Variants in TTC17 observed in about 807,000 individuals in gnomAD.
TTC17 encodes the protein tetratricopeptide repeat domain 17.
A neutral mutation model predicts 143.8 loss-of-function variants in TTC17; 58 were observed. The observed-to-expected ratio is 0.40, with a 90% CI of 0.33 to 0.50. The LOEUF is 0.50. Ranked by LOEUF, TTC17 falls within the 20% of genes least tolerant of loss-of-function variation. The probability of loss-of-function intolerance (pLI) is 0.49; values close to 1 mark genes in which losing one functional copy is unlikely to be tolerated. For missense variants in TTC17, 1,273 were observed against 1,392.5 expected (o/e 0.91, Z 1.37); for synonymous variants, 501 against 497.8 (o/e 1.01, Z -0.09).
At chr11:43,446,100 A>G (rs943125440) in intron 18 of TTC17, 1 of 1,458,268 alleles carries the variant, frequency 6.9e-7, no homozygotes, top group Non-Finnish European at 9.0e-7. Flanking sequence ...AGTGTGGTGT[A>G]CAAGACCCTT....
chr11:43,394,365 T>G (rs1857501435), intron 5 of TTC17, among the ~76,000 whole-genome samples: 1 of 152,176 alleles, frequency 6.6e-6, no homozygotes, highest in East Asian at 1.9e-4. Context: ...AAAGATCACT[T>G]TGATTACTAT....
chr11:43,483,908 G>A (rs191066593), intron 21 of TTC17, among the ~76,000 whole-genome samples: 22 of 152,306 alleles, frequency 1.4e-4, no homozygotes, highest in Non-Finnish European at 2.9e-4. Flanking sequence ...TTGGGAGGCC[G>A]AAGTGGGCAG....
At chr11:43,479,055 A>G (rs1476391981) in intron 21 of TTC17, among the ~76,000 whole-genome samples, 1 of 152,190 alleles carries the variant, frequency 6.6e-6, no homozygotes, top group East Asian at 1.9e-4. Flanking sequence ...CCTGGTCAAC[A>G]TGGTGAAACC....
At chr11:43,362,306 G>C (rs563948438) in intron 1 of TTC17, among the ~76,000 whole-genome samples, 6 of 152,066 alleles carry the variant, frequency 3.9e-5, no homozygotes, top group Non-Finnish European at 7.4e-5. Flanking sequence ...GGCGTGAGCC[G>C]CTGTGCCCGG....
intron 21 of TTC17, 109 bp downstream of exon 21, chr11:43,451,374 T>A: frequency 2.1e-6 from 2 of 931,122 alleles, no homozygotes; most frequent in Non-Finnish European, 3.4e-6. Flanking sequence ...ACTTAGCACT[T>A]GGTGGCTAAA....
intron 21 of TTC17, among the ~76,000 whole-genome samples, chr11:43,466,150 C>G (rs1022613991): frequency 6.6e-6 from 1 of 152,022 alleles, no homozygotes; most frequent in Non-Finnish European, 1.5e-5. Flanking sequence ...AGATGATATG[C>G]AAACAGCCAA....
chr11:43,449,451 GTATTA>G (rs1947615440), intron 19 of TTC17: 1 of 152,200 alleles, frequency 6.6e-6, no homozygotes, highest in Non-Finnish European at 1.5e-5. Context: ...CTCCTGGAGT[GTATTA>G]TCATTGCACC....
At chr11:43,430,709 GCA>G (rs10658685) in intron 16 of TTC17, among the ~76,000 whole-genome samples, 7,795 of 138,442 alleles carry the variant, frequency 0.056, 383 homozygotes, top group East Asian at 0.29. Context: ...CTACATACAC[GCA>G]CACACACACA....
At chr11:43,384,100 G>C (rs1270716862) in intron 2 of TTC17, among the ~76,000 whole-genome samples, 1 of 150,642 alleles carries the variant, frequency 6.6e-6, no homozygotes, top group African/African-American at 2.4e-5. Flanking sequence ...AGCTATGATA[G>C]TACCACCGCA....
chr11:43,494,039 T>C lies in TTC17; in HGVS notation c.*135T>C. 1 of 1,261,732 alleles carries C rather than the reference T, an allele frequency of 7.9e-7. No individual in the cohort carries two copies. 78.2% of individuals were successfully genotyped at this position (1,261,732 alleles called of 1,614,324 possible). A position where few individuals can be genotyped will look rare whatever the true frequency, so the allele number is the denominator to read the frequency against. On this transcript the variant is annotated 3_prime_UTR_variant, in exon 24 of 24. Transcript: ENST00000039989. ...TAAGACTTATAACAGGACTTTTACA[T>C]ATGTGGGAATTGGTTTGTTTTTGTT...
rs773393275 is a variant in TTC17 at position 43,444,116 on chromosome 11, A to G, written c.2572A>G (p.Lys858Glu). 1.2e-6 allele frequency: 2 copies of G among 1,613,056 alleles called. No homozygotes were observed. The highest frequency in any genetic ancestry group is 2.2e-5 in the South Asian group (2 of 90,834). ...PKGDHKKTPG[K>E]KVETGQIENG... ...AGGAGATCATAAGAAAACTCCTGGG[A>G]AAAAAGTAGAAACAGGTCAGATAGA... The change falls in exon 18 of 24, where the codon AAA becomes GAA. Residue 858 changes from lysine (K) to glutamate (E), a missense_variant. Around this residue, in one of 3 missense-constraint regions of TTC17, gnomAD observed 878 missense variants for 899.8 expected, o/e 0.98. Coordinates refer to ENST00000039989, the MANE Select transcript of TTC17 (RefSeq NM_018259.6).
intron 8 of TTC17, 61 bp from the exon 9 acceptor site, chr11:43,399,827 G>A (rs907429445): frequency 2.6e-6 from 4 of 1,515,086 alleles, no homozygotes; most frequent in East Asian, 2.3e-5. Flanking sequence ...GTGCATTTAA[G>A]TGGGTTTAAA....
intron 18 of TTC17, 162 bp from the exon 19 acceptor site, chr11:43,447,840 C>T (rs1046293749): frequency 3.3e-5 from 26 of 799,026 alleles, no homozygotes; most frequent in African/African-American, 8.7e-5. Context: ...TGCATAATGA[C>T]GAGATTTTAA....
rs1947535302 is a variant in TTC17, at chr11:43,446,127, G to A, written c.2666-1875G>A. On this transcript the variant is annotated intron_variant, in intron 18 of 23. Transcript: ENST00000039989. Reference sequence around the variant, plus strand: ...AAGACCCTTTACAGCCCGCCTCTGTGTACCCTTCAACACCATTCTCTGAAC... The same window carrying A: ...AAGACCCTTTACAGCCCGCCTCTGTATACCCTTCAACACCATTCTCTGAAC... The A allele has an allele frequency of 2.1e-6, 3 of 1,410,570 alleles. No homozygotes were observed. In the African/African-American group the frequency reaches 4.3e-5, roughly 20 times the overall value. The allele number at this position is 1,410,570 out of a possible 1,614,324, so 87.4% of individuals were successfully genotyped here.
At chr11:43,397,912 GT>G in intron 7 of TTC17, 61 bp from the exon 8 acceptor site, 1 of 760,780 alleles carries the variant, frequency 1.3e-6, no homozygotes, top group East Asian at 3.0e-5. Flanking sequence ...GTGTGTGTGT[GT>G]GTGTGTGTGT....
intron 21 of TTC17, chr11:43,486,343 A>C (rs759686299): frequency 2.9e-5 from 12 of 418,656 alleles, no homozygotes; most frequent in Non-Finnish European, 5.4e-5. Flanking sequence ...CATCGTGTAG[A>C]AGCTCCCTGC....
In TTC17 at chr11:43,451,295, A is replaced by G. The variant is rs764329032; in HGVS notation, c.3030+30A>G. 6 of 1,598,046 alleles carry G rather than the reference A, an allele frequency of 3.8e-6. No individual in the cohort carries two copies. In the South Asian group the frequency reaches 5.5e-5, roughly 15 times the overall value. ...GTCACCCCACAGAAAAGCTGGAAAC[A>G]ATTGCCCTCCTTCTAACTTCTTTTC... On this transcript the variant is annotated intron_variant, in intron 21 of 23. Transcript: ENST00000039989.
intron 2 of TTC17, chr11:43,385,473 A>G (rs1000962572): frequency 3.9e-5 from 6 of 152,216 alleles, no homozygotes; most frequent in African/African-American, 1.2e-4. Flanking sequence ...TAAATCACCC[A>G]TGGTTTAAAG....
intron 16 of TTC17, among the ~76,000 whole-genome samples, chr11:43,416,686 A>G (rs960788511): frequency 6.6e-6 from 1 of 152,168 alleles, no homozygotes; most frequent in Non-Finnish European, 1.5e-5. Flanking sequence ...ATTTTTTTTA[A>G]TAATAGTTCT....
Sources: gnomAD v4.1 joint callset for allele counts (sites outside exome capture counted in the v4.1 genomes callset) on GRCh38, gnomAD v4.1.1 for gene constraint, gnomAD v4.1.1 regional missense constraint, MANE v1.5 for transcripts, NCBI Gene and HGNC (gene_info 2026-07-23, HGNC 2026-07-21) for gene names.